The following HMGB3 variants were observed in gnomAD, a reference collection of about 807,000 sequenced individuals.
The protein encoded by HMGB3 is high mobility group box 3, also known as high mobility group protein B3.
Under a neutral mutation model 12.9 loss-of-function variants are expected in HMGB3, and 1 was observed. That is an observed-to-expected ratio of 0.08 (90% confidence interval 0.03 to 0.37). The LOEUF (loss-of-function observed/expected upper bound fraction) is 0.37. HMGB3 is among the 10% of genes least tolerant of loss of function. The probability of loss-of-function intolerance (pLI) is 0.99; values close to 1 mark genes in which losing one functional copy is unlikely to be tolerated. For synonymous variants in HMGB3, 61 were observed against 53.9 expected, an observed-to-expected ratio of 1.13 and a Z score of -0.57; for missense variants, 74 against 153.3, an observed-to-expected ratio of 0.48 and a Z score of 2.73.
rs2048102646 is a variant in HMGB3, at chrX:150,990,576, AAGGAT to A, written c.*2665_*2669del. The A allele has an allele frequency of 9.1e-6, 1 of 109,512 alleles. No homozygotes were observed. The highest frequency in any genetic ancestry group is 1.9e-5 in the Non-Finnish European group (1 of 52,567). The allele number at this position is 109,512 out of a possible 1,213,427, so 9.0% of individuals were successfully genotyped here. The stretch of plus-strand genomic sequence containing the variant: ...TTTTTTTTTTTTTTCCCCCATTTAA[AAGGAT>A]AGTACCTACTCCCTCTAACCACCTC... On this transcript the variant is annotated 3_prime_UTR_variant, in exon 5 of 5. Transcript: ENST00000325307.
rs1406151593 is a variant in HMGB3 at position 150,987,596 on chromosome X, CTT to C, written c.466-178_466-177del. Among the ~76,000 whole-genome samples, 8 of 111,942 alleles carry C rather than the reference CTT, an allele frequency of 7.1e-5. 2 individuals are homozygous for C. The Admixed American group carries it at 7.6e-4, about 11-fold the overall frequency. On this transcript the variant is annotated intron_variant, in intron 4 of 4. Coordinates refer to ENST00000325307, the MANE Select transcript of HMGB3 (RefSeq NM_005342.4). Reference sequence around the variant, plus strand: ...TGAAGGACACTTGAACACCCACTAACTTTTAAATTCGAATGGCTAAGAACCAA... The same window carrying C: ...TGAAGGACACTTGAACACCCACTAACTTAAATTCGAATGGCTAAGAACCAA...
rs58028570 is a variant in HMGB3, at chrX:150,990,549, CT to C, written c.*2650del. 22,106 of 98,312 alleles carry C rather than the reference CT, an allele frequency of 0.22. 1,942 individuals are homozygous for C. Among genetic ancestry groups the C allele is most frequent in the South Asian group, 0.37 (756 of 2,066 alleles). 8.1% of individuals were successfully genotyped at this position (98,312 alleles called of 1,213,427 possible). A position where few individuals can be genotyped will look rare whatever the true frequency, so the allele number is the denominator to read the frequency against. ...GTGTTCTTAAGATGCCAACCTGTTG[CT>C]TTTTTTTTTTTTTTCCCCCATTTAA... is the stretch of plus-strand genomic sequence containing the variant. On this transcript the variant is annotated 3_prime_UTR_variant, in exon 5 of 5. Transcript: ENST00000325307.
rs138191623 is a variant in HMGB3, at chrX:150,986,366, C to T, written c.290+176C>T. ...CTTGGGCTTTACGATGCAGTGCCAGCGTTGTCTGTGGTTAAGGCTGAAGTG... is the reference window on the plus strand; with the variant it reads ...CTTGGGCTTTACGATGCAGTGCCAGTGTTGTCTGTGGTTAAGGCTGAAGTG... On this transcript the variant is annotated intron_variant, in intron 3 of 4. Coordinates refer to ENST00000325307, the MANE Select transcript of HMGB3 (RefSeq NM_005342.4). Among the ~76,000 whole-genome samples, 8 of 109,694 alleles carry T rather than the reference C, an allele frequency of 7.3e-5. No homozygotes were observed. The East Asian group carries it at 2.0e-3, about 28-fold the overall frequency.
intron 1 of HMGB3, among the ~76,000 whole-genome samples, chrX:150,984,299 GGCCCCCGA>G (rs1199071152): frequency 8.0e-4 from 74 of 92,209 alleles, no homozygotes; most frequent in Admixed American, 2.9e-3. Flanking sequence ...GTCCGGCCCG[GGCCCCCGA>G]GCCCCCGGGC....
In HMGB3 at chrX:150,983,368, A is replaced by C; in HGVS notation, c.-14A>C. 1.3e-6 allele frequency: 1 copy of C among 757,204 alleles called. No homozygotes were observed. Among genetic ancestry groups the C allele is most frequent in the Non-Finnish European group, 1.6e-6 (1 of 642,482 alleles). 62.4% of individuals were successfully genotyped at this position (757,204 alleles called of 1,213,427 possible). Reference sequence around the variant, plus strand: ...TGCCCTGCGCTGCCCAGACTAGCGAACAATACAGGTACGTCTCGCACCGCC... The same window carrying C: ...TGCCCTGCGCTGCCCAGACTAGCGACCAATACAGGTACGTCTCGCACCGCC... On this transcript the variant is annotated 5_prime_UTR_variant, in exon 1 of 5. Transcript: ENST00000325307.
intron 4 of HMGB3, 97 bp downstream of exon 4, chrX:150,987,399 A>C: frequency 1.4e-6 from 1 of 713,992 alleles, no homozygotes; most frequent in South Asian, 3.6e-5. Flanking sequence ...CTGAGTACTT[A>C]GCATAGCGCT....
Position 150,988,051 on chromosome X carries a change from TCA to T in HMGB3, c.*138_*139del. 1.2e-6 allele frequency: 1 copy of T among 824,056 alleles called. No homozygotes were observed. 67.9% of individuals were successfully genotyped at this position (824,056 alleles called of 1,213,427 possible). On this transcript the variant is annotated 3_prime_UTR_variant, in exon 5 of 5. Coordinates refer to ENST00000325307, the MANE Select transcript of HMGB3 (RefSeq NM_005342.4). Reference sequence around the variant, plus strand: ...TTGATCACGATCATATTGTAGTCTCTCAAAGTGCTCTAGAAATTGTCAGTGGT... The same window carrying T: ...TTGATCACGATCATATTGTAGTCTCTAAGTGCTCTAGAAATTGTCAGTGGT...
At chrX:150,983,712 C>T in intron 1 of HMGB3, 1 of 335,675 alleles carries the variant, frequency 3.0e-6, no homozygotes, top group Non-Finnish European at 3.9e-6. Flanking sequence ...CCCCCGAGGC[C>T]AGATGTTTGG....
intron 4 of HMGB3, among the ~76,000 whole-genome samples, 171 bp from the exon 5 acceptor site, chrX:150,987,606 C>T (rs1557425274): frequency 1.8e-5 from 2 of 111,784 alleles, no homozygotes; most frequent in Non-Finnish European, 3.8e-5. Context: ...CTTTTAAATT[C>T]GAATGGCTAA....
At chrX:150,986,252 T>A (rs1044969944) in intron 3 of HMGB3, 62 bp downstream of exon 3, 33 of 943,719 alleles carry the variant, frequency 3.5e-5, no homozygotes, top group Non-Finnish European at 4.5e-5. Flanking sequence ...GAGGATTTGG[T>A]TTTTTGGTCG....
chrX:150,990,235 G>A lies in HMGB3; in HGVS notation c.*2321G>A, dbSNP rs1396444469. On this transcript the variant is annotated 3_prime_UTR_variant, in exon 5 of 5. Coordinates refer to ENST00000325307, the MANE Select transcript of HMGB3 (RefSeq NM_005342.4). ...TAACTAGATGTACCAACCAGGGAAGGGCCAAGGATGGAAAGGGGTAACTTT... is the reference window on the plus strand; with the variant it reads ...TAACTAGATGTACCAACCAGGGAAGAGCCAAGGATGGAAAGGGGTAACTTT... 1.8e-5 allele frequency: 2 copies of A among 112,124 alleles called. No homozygotes were observed. The highest frequency in any genetic ancestry group is 3.8e-5 in the Non-Finnish European group (2 of 53,265). 9.2% of individuals were successfully genotyped at this position (112,124 alleles called of 1,213,427 possible). A position where few individuals can be genotyped will look rare whatever the true frequency, so the allele number is the denominator to read the frequency against.
upstream of HMGB3, chrX:150,980,513 T>C (rs1557425066): frequency 3.2e-6 from 1 of 312,508 alleles, no homozygotes; most frequent in East Asian, 2.2e-4. Context: ...GACCAGTTTG[T>C]AGTTCAGCTT....
At chrX:150,983,406 C>CGCT (rs2048008176) in intron 1 of HMGB3, 30 bp downstream of exon 1, 3 of 14,222 alleles carry the variant, frequency 2.1e-4, no homozygotes, top group Non-Finnish European at 2.7e-4. Context: ...CTCCCGCCGC[C>CGCT]GCCGCCGCCG....
chrX:150,984,245 C>T (rs1488909329), intron 1 of HMGB3, among the ~76,000 whole-genome samples: 5 of 93,089 alleles, frequency 5.4e-5, no homozygotes, highest in Non-Finnish European at 1.1e-4. Context: ...GCACGGGCGC[C>T]TTTGTTATCC....
chrX:150,984,225 C>T (rs2048023790), intron 1 of HMGB3, among the ~76,000 whole-genome samples: 1 of 94,784 alleles, frequency 1.1e-5, no homozygotes, highest in Admixed American at 1.1e-4. Context: ...AGCGGCCGAG[C>T]GTCATGGCTG....
chrX:150,986,890 G>A (rs782182226), intron 3 of HMGB3, among the ~76,000 whole-genome samples: 9 of 111,657 alleles, frequency 8.1e-5, no homozygotes, highest in African/African-American at 2.6e-4. Context: ...CAGGTGATCC[G>A]CCTGCCTCGG....
Position 150,986,059 on chromosome X carries a change from C to T in HMGB3, c.159C>T (p.Ser53=), listed in dbSNP as rs371462085. The T allele has an allele frequency of 1.6e-5, 19 of 1,203,726 alleles. No individual in the cohort carries two copies. Among genetic ancestry groups the T allele is most frequent in the South Asian group, 5.4e-5 (3 of 56,057 alleles). The change falls in exon 3 of 5, where the codon TCC becomes TCT. Residue 53 remains serine, a synonymous_variant. Transcript: ENST00000325307. ...AGTCCTGTTCTTTGCAGACGATGTC[C>T]GGGAAAGAGAAATCTAAATTTGATG... The part of the protein sequence containing the change: ...KKCSERWKTM[S]GKEKSKFDEM...
In HMGB3 at chrX:150,986,109, G is replaced by A. The variant is rs2048049738; in HGVS notation, c.209G>A (p.Arg70His). Residue 70 changes from arginine to histidine, a missense_variant, in exon 3 of 5, where the codon CGC becomes CAC. Arg to His is a conservative substitution (Grantham distance 29). This residue lies in a region of HMGB3 where 45 missense variants were observed against 123.8 expected (regional missense o/e 0.36). Transcript: ENST00000325307. ...FDEMAKADKV[R>H]YDREMKDYGP... Reference sequence around the variant, plus strand: ...GAAATGGCAAAGGCAGATAAAGTGCGCTATGATCGGGAAATGAAGGATTAT... The same window carrying A: ...GAAATGGCAAAGGCAGATAAAGTGCACTATGATCGGGAAATGAAGGATTAT... The A allele has an allele frequency of 2.5e-6, 3 of 1,203,955 alleles. No homozygotes were observed. Among genetic ancestry groups the A allele is most frequent in the Non-Finnish European group, 3.4e-6 (3 of 890,192 alleles).
chrX:150,980,891 C>T (rs782660274), upstream of HMGB3, among the ~76,000 whole-genome samples: 1 of 112,628 alleles, frequency 8.9e-6, no homozygotes, highest in Non-Finnish European at 1.9e-5. Flanking sequence ...AAGGGCCCAC[C>T]ACCCTGGTTC....
Sources: allele counts gnomAD v4.1 joint callset (sites outside exome capture counted in the v4.1 genomes callset), GRCh38; gene constraint gnomAD v4.1.1; regional missense constraint gnomAD v4.1.1; transcripts MANE v1.5; gene names NCBI Gene and HGNC (gene_info 2026-07-23, HGNC 2026-07-21).